GABBR2: variants seen among roughly 807,000 people sequenced by gnomAD.
GABBR2 encodes the protein gamma-aminobutyric acid type B receptor subunit 2.
In GABBR2, 23 loss-of-function variants were observed where a neutral mutation model predicts 105.6. The ratio of observed to expected loss-of-function variants is 0.22; its 90% CI spans 0.16 to 0.31. The LOEUF is 0.31. Among genes scored for constraint, GABBR2 ranks in the 10% least tolerant of loss-of-function variants. GABBR2 has a pLI of 1.00. For synonymous variants in GABBR2, 478 were observed against 499.7 expected, an observed-to-expected ratio of 0.96 and a Z score of 0.58; for missense variants, 734 against 1,245.5, an observed-to-expected ratio of 0.59 and a Z score of 6.18.
Position 98,549,028 on chromosome 9 carries a change from C to T in GABBR2, c.460-6985G>A, listed in dbSNP as rs189030987. 8.2e-5 allele frequency among the ~76,000 whole-genome samples: 10 copies of T among 121,614 alleles called. 4 individuals are homozygous for T. The highest frequency in any genetic ancestry group is 1.9e-4 in the Non-Finnish European group (10 of 53,982). 79.8% of individuals were successfully genotyped at this position (121,614 alleles called of 152,430 possible). On this transcript the variant is annotated intron_variant, in intron 2 of 18. Transcript: ENST00000259455. ...TCAGGTCACTGCAACCTCCGCCTCC[C>T]GATTGTTCAAGCGATTCTCCTGCCT...
chr9:98,505,171 ATCC>A (rs1827482639), intron 3 of GABBR2, among the ~76,000 whole-genome samples: 1 of 152,262 alleles, frequency 6.6e-6, no homozygotes, highest in Admixed American at 6.5e-5. Context: ...TTAAAAACTT[ATCC>A]ATGTGGTGTA....
chr9:98,581,797 G>C (rs1044217221), intron 1 of GABBR2, among the ~76,000 whole-genome samples: 1 of 151,996 alleles, frequency 6.6e-6, no homozygotes, highest in Non-Finnish European at 1.5e-5. Flanking sequence ...AGTACCACAG[G>C]ATTTATAATC....
intron 7 of GABBR2, among the ~76,000 whole-genome samples, chr9:98,427,358 A>G (rs1032918541): frequency 1.3e-5 from 2 of 152,198 alleles, no homozygotes; most frequent in African/African-American, 4.8e-5. Context: ...GTGAACTGCT[A>G]GAGAATTCAA....
At chr9:98,595,600 G>C (rs910434709) in intron 1 of GABBR2, among the ~76,000 whole-genome samples, 1 of 51,808 alleles carries the variant, frequency 1.9e-5, no homozygotes, top group Non-Finnish European at 3.7e-5. Flanking sequence ...GGTAGGGAGA[G>C]AGAATCCATG....
chr9:98,378,200 TAG>T (rs1831911091), intron 11 of GABBR2, among the ~76,000 whole-genome samples: 1 of 152,140 alleles, frequency 6.6e-6, no homozygotes, highest in Non-Finnish European at 1.5e-5. Flanking sequence ...CCTTTCTAGT[TAG>T]AGTTAGAAAA....
chr9:98,578,811 C>T (rs1242312630), intron 1 of GABBR2, among the ~76,000 whole-genome samples: 3 of 152,142 alleles, frequency 2.0e-5, no homozygotes, highest in South Asian at 4.1e-4. Flanking sequence ...CACGCTACAA[C>T]GTGGATGAAC....
At chr9:98,642,681 G>C (rs1473812939) in intron 1 of GABBR2, among the ~76,000 whole-genome samples, 1 of 152,132 alleles carries the variant, frequency 6.6e-6, no homozygotes, top group Non-Finnish European at 1.5e-5. Context: ...ATTTTTAATG[G>C]AACAGAATAG....
chr9:98,559,735 G>C (rs1304644289), intron 2 of GABBR2, among the ~76,000 whole-genome samples: 2 of 152,048 alleles, frequency 1.3e-5, no homozygotes, highest in African/African-American at 4.8e-5. Flanking sequence ...GTGACAATGT[G>C]GCCAAGGTTA....
intron 1 of GABBR2, among the ~76,000 whole-genome samples, chr9:98,609,935 G>A (rs1588251292): frequency 6.6e-6 from 1 of 152,336 alleles, no homozygotes; most frequent in East Asian, 1.9e-4. Context: ...CAAGCCAAAA[G>A]GGCAGAGGGG....
At chr9:98,494,770 T>C (rs1036903711) in intron 4 of GABBR2, among the ~76,000 whole-genome samples, 1 of 152,250 alleles carries the variant, frequency 6.6e-6, no homozygotes, top group Non-Finnish European at 1.5e-5. Flanking sequence ...CGGCTGTTAT[T>C]TTCATTATGG....
At chr9:98,566,510 C>T (rs1828752708) in intron 2 of GABBR2, among the ~76,000 whole-genome samples, 1 of 151,948 alleles carries the variant, frequency 6.6e-6, no homozygotes, top group South Asian at 2.1e-4. Context: ...TCCGTCTCTA[C>T]TAAAATTACA....
At chr9:98,414,800 C>A (rs990430185) in intron 7 of GABBR2, among the ~76,000 whole-genome samples, 1 of 152,138 alleles carries the variant, frequency 6.6e-6, no homozygotes, top group African/African-American at 2.4e-5. Flanking sequence ...AAACCTCTCA[C>A]AAGTTCCTGA....
At chr9:98,423,026 G>C (rs1564062489) in intron 7 of GABBR2, among the ~76,000 whole-genome samples, 1 of 152,084 alleles carries the variant, frequency 6.6e-6, no homozygotes, top group Non-Finnish European at 1.5e-5. Flanking sequence ...GGACATTTGG[G>C]TTGGTTCCAA....
intron 8 of GABBR2, among the ~76,000 whole-genome samples, chr9:98,404,720 T>C (rs1025797484): frequency 3.9e-4 from 59 of 152,048 alleles, no homozygotes; most frequent in Admixed American, 1.6e-3. Context: ...CCTCCGTTTT[T>C]CCCTCATCAC....
chr9:98,403,078 G>A (rs554184689), intron 8 of GABBR2, among the ~76,000 whole-genome samples: 17 of 152,114 alleles, frequency 1.1e-4, no homozygotes, highest in African/African-American at 2.7e-4. Context: ...GGCAGACTGC[G>A]AGGTCAGGAG....
At chr9:98,424,773 A>G (rs1268826861) in intron 7 of GABBR2, among the ~76,000 whole-genome samples, 1 of 152,184 alleles carries the variant, frequency 6.6e-6, no homozygotes, top group East Asian at 1.9e-4. Flanking sequence ...TCCAACTTAC[A>G]AGGGACGTGA....
chr9:98,362,918 G>C, intron 12 of GABBR2, 81 bp from the exon 13 acceptor site: 1 of 1,268,010 alleles, frequency 7.9e-7, no homozygotes, highest in East Asian at 2.7e-5. Flanking sequence ...GGTCATAGGG[G>C]GAACCTGCAT....
chr9:98,474,551 A>T (rs894861857), intron 5 of GABBR2, among the ~76,000 whole-genome samples: 3 of 152,196 alleles, frequency 2.0e-5, no homozygotes, highest in Non-Finnish European at 4.4e-5. Context: ...GACTGCCCGC[A>T]TTCTAAACTG....
intron 1 of GABBR2, among the ~76,000 whole-genome samples, chr9:98,655,601 G>C (rs1198690293): frequency 1.3e-5 from 2 of 152,134 alleles, no homozygotes; most frequent in Non-Finnish European, 2.9e-5. Flanking sequence ...GCCCATCAAT[G>C]ATAGACTGGA....
Sources: gnomAD v4.1 joint callset for allele counts (sites outside exome capture counted in the v4.1 genomes callset) on GRCh38, gnomAD v4.1.1 for gene constraint, MANE v1.5 for transcripts, NCBI Gene and HGNC (gene_info 2026-07-23, HGNC 2026-07-21) for gene names.